THOC1: variants seen among roughly 807,000 people sequenced by gnomAD.
THOC1 encodes the protein THO complex 1.
THOC1 carries 29 observed loss-of-function variants against 97.3 expected under a neutral mutation model. That is an observed-to-expected ratio of 0.30 (90% CI 0.22 to 0.41). THOC1 has a LOEUF of 0.41. Among genes scored for constraint, THOC1 ranks in the 10% least tolerant of loss-of-function variants. The pLI, the probability that THOC1 is intolerant of heterozygous loss-of-function variation, is 1.00. For synonymous variants in THOC1, 255 were observed against 257.0 expected (o/e 0.99, Z 0.07); for missense variants, 529 against 761.9 (o/e 0.69, Z 3.60).
chr18:264,522 G>C (rs1912703473), intron 3 of THOC1, among the ~76,000 whole-genome samples: 1 of 152,190 alleles, frequency 6.6e-6, no homozygotes, highest in Non-Finnish European at 1.5e-5. Context: ...ATAATAACCA[G>C]CATTTACTGA....
At chr18:221,045 T>G (rs1019774209) in intron 17 of THOC1, among the ~76,000 whole-genome samples, 1 of 152,184 alleles carries the variant, frequency 6.6e-6, no homozygotes, top group African/African-American at 2.4e-5. Context: ...ATGTAGTGTT[T>G]TCATTATTAT....
At chr18:231,593 T>C (rs553348570) in intron 11 of THOC1, among the ~76,000 whole-genome samples, 1 of 152,302 alleles carries the variant, frequency 6.6e-6, no homozygotes, top group South Asian at 2.1e-4. Flanking sequence ...AATACAACAT[T>C]CATGTACCCA....
intron 11 of THOC1, among the ~76,000 whole-genome samples, chr18:241,749 ATGT>A (rs1292879026): frequency 2.0e-5 from 3 of 152,208 alleles, no homozygotes; most frequent in South Asian, 2.1e-4. Flanking sequence ...ACATTTTGAA[ATGT>A]TGTTCTGCTT....
At chr18:256,027 T>G (rs905216204) in intron 7 of THOC1, among the ~76,000 whole-genome samples, 1 of 152,224 alleles carries the variant, frequency 6.6e-6, no homozygotes, top group African/African-American at 2.4e-5. Context: ...ACAATATTAT[T>G]GCTTATTCAC....
chr18:263,858 TAA>T, intron 4 of THOC1, 166 bp downstream of exon 4: 1 of 579,792 alleles, frequency 1.7e-6, no homozygotes, highest in Admixed American at 3.2e-5. Context: ...AGATGAGAAA[TAA>T]GAGTGAACTA....
intron 19 of THOC1, among the ~76,000 whole-genome samples, chr18:216,041 C>T (rs1223774178): frequency 6.6e-6 from 1 of 152,066 alleles, no homozygotes; most frequent in Non-Finnish European, 1.5e-5. Flanking sequence ...GCAACCTCCG[C>T]CTCCCAGGTT....
At position 267,654 on chromosome 18, in the gene THOC1, T is replaced by TA. The variant is rs200728780; in HGVS notation, c.54+311dup. 4.4e-4 allele frequency among the ~76,000 whole-genome samples: 67 copies of TA among 152,034 alleles called. 1 individual carries two copies. In the East Asian group the frequency reaches 0.011, roughly 25 times the overall value. On this transcript the variant is annotated intron_variant, in intron 1 of 20. Transcript: ENST00000261600. Reference sequence around the variant, plus strand: ...CCCCTTCTCGAGACACCTGCCCCACTAAACGAGCTGAGAGGATGGACCCAA... The same window carrying TA: ...CCCCTTCTCGAGACACCTGCCCCACTAAAACGAGCTGAGAGGATGGACCCAA...
Position 242,426 on chromosome 18 carries a change from CA to C in THOC1, c.918+3897del, listed in dbSNP as rs1002820066. 4.9e-5 allele frequency among the ~76,000 whole-genome samples: 6 copies of C among 122,454 alleles called. No homozygotes were observed. Among genetic ancestry groups the C allele is most frequent in the African/African-American group, 6.2e-5 (2 of 32,116 alleles). The allele number at this position is 122,454 out of a possible 152,430, so 80.3% of individuals were successfully genotyped here. On this transcript the variant is annotated intron_variant, in intron 11 of 20. Transcript: ENST00000261600. The surrounding 1 kb of genome is among the most constrained non-coding windows in gnomAD (Gnocchi z 4.5). ...CCAGGAGGTGGAAGTTACAGTGGGC[CA>C]AAAAAAAAGTGTCTCAAAAAAAAAA...
intron 11 of THOC1, 68 bp from the exon 12 acceptor site, chr18:226,969 A>G: frequency 8.3e-7 from 1 of 1,198,114 alleles, no homozygotes; most frequent in Non-Finnish European, 1.2e-6. Flanking sequence ...TAAAGGTACA[A>G]AATGTGCTAA....
At chr18:257,853 T>C (rs1005224043) in intron 7 of THOC1, among the ~76,000 whole-genome samples, 16 of 151,820 alleles carry the variant, frequency 1.1e-4, no homozygotes, top group African/African-American at 3.9e-4. Flanking sequence ...AAAAAATATA[T>C]AAGGAGTAAA....
intron 11 of THOC1, among the ~76,000 whole-genome samples, chr18:232,667 A>G (rs1455636106): frequency 6.6e-6 from 1 of 152,004 alleles, no homozygotes; most frequent in Non-Finnish European, 1.5e-5. Context: ...AGTTTTTACA[A>G]AAGTATTCTG....
intron 18 of THOC1, among the ~76,000 whole-genome samples, chr18:217,999 G>C (rs894069122): frequency 1.8e-4 from 27 of 152,092 alleles, no homozygotes; most frequent in African/African-American, 5.3e-4. Context: ...GATTAGACTT[G>C]GACAATTATT....
chr18:259,512 A>G (rs892556211), intron 6 of THOC1, among the ~76,000 whole-genome samples, 170 bp downstream of exon 6: 13 of 152,146 alleles, frequency 8.5e-5, no homozygotes, highest in Non-Finnish European at 1.2e-4. Flanking sequence ...TATGCCCAGA[A>G]CAAAAACAGT....
intron 11 of THOC1, among the ~76,000 whole-genome samples, chr18:227,662 A>AG (rs1466996033): frequency 6.6e-6 from 1 of 152,192 alleles, no homozygotes; most frequent in African/African-American, 2.4e-5. Flanking sequence ...CGATGAAGGA[A>AG]GGTCATTCTG....
chr18:255,852 C>A (rs1912420681), intron 7 of THOC1, among the ~76,000 whole-genome samples: 1 of 152,206 alleles, frequency 6.6e-6, no homozygotes, highest in Non-Finnish European at 1.5e-5. Context: ...ATTTACCATT[C>A]TGAAAATCCT....
rs567470614 is a variant in THOC1 at position 238,068 on chromosome 18, T to C, written c.918+8256A>G. Among the ~76,000 whole-genome samples, 179 of 152,232 alleles carry C rather than the reference T, an allele frequency of 1.2e-3. 1 individual carries two copies. The highest frequency in any genetic ancestry group is 3.4e-3 in the Middle Eastern group (1 of 294). On this transcript the variant is annotated intron_variant, in intron 11 of 20. Coordinates refer to ENST00000261600, the MANE Select transcript of THOC1 (RefSeq NM_005131.3). ...TTTGTGGAGATGGGGTTTCACCATGTTGGCCAGGCTGGTTCTCAAACTCCT... is the reference window on the plus strand; with the variant it reads ...TTTGTGGAGATGGGGTTTCACCATGCTGGCCAGGCTGGTTCTCAAACTCCT...
At chr18:235,896 C>G (rs1438161286) in intron 11 of THOC1, among the ~76,000 whole-genome samples, 1 of 152,154 alleles carries the variant, frequency 6.6e-6, no homozygotes, top group Non-Finnish European at 1.5e-5. Context: ...AATCTTTAGT[C>G]AACCTGATCC....
At position 224,134 on chromosome 18, in the gene THOC1, T is replaced by C. The variant is rs557992652; in HGVS notation, c.1254A>G (p.Ala418=). The C allele has an allele frequency of 1.2e-6, 2 of 1,611,534 alleles. No homozygotes were observed. Among genetic ancestry groups the C allele is most frequent in the East Asian group, 4.5e-5 (2 of 44,850 alleles). Residue 418 remains alanine (A), a synonymous_variant, in exon 16 of 21, where the codon GCA becomes GCG. Transcript: ENST00000261600. ...KPTRIIRKRT[A]PEDFLGKGPT... is the part of the protein sequence containing the mutation. ...GTCCTTTCCCTAGGAAGTCCTCGGG[T>C]GCTGTTCTCTTCCGAATTATTCTCG...
rs182638127 is a variant in THOC1 at position 216,875 on chromosome 18, G to A, written c.1455-242C>T. Reference sequence around the variant, plus strand: ...GCCTGAAGAGGCAGGCTCATATGCAGCAAACACATTTTCAAAGTTTCCGTT... The same window carrying A: ...GCCTGAAGAGGCAGGCTCATATGCAACAAACACATTTTCAAAGTTTCCGTT... On this transcript the variant is annotated intron_variant, in intron 18 of 20. Coordinates refer to ENST00000261600, the MANE Select transcript of THOC1 (RefSeq NM_005131.3). Among the ~76,000 whole-genome samples, 921 of 152,272 alleles carry A rather than the reference G, an allele frequency of 6.0e-3. 3 individuals are homozygous for A. Among genetic ancestry groups the A allele is most frequent in the Non-Finnish European group, 8.5e-3 (577 of 68,018 alleles).
Sources: allele counts gnomAD v4.1 joint callset (sites outside exome capture counted in the v4.1 genomes callset), GRCh38; gene constraint gnomAD v4.1.1; non-coding constraint Gnocchi (gnomAD v3.1); transcripts MANE v1.5; gene names NCBI Gene and HGNC (gene_info 2026-07-23, HGNC 2026-07-21).